Variants in WDHD1 observed in about 807,000 individuals in gnomAD.
WDHD1 encodes WD repeat and HMG-box DNA-binding protein 1.
A neutral mutation model predicts 135.4 loss-of-function variants in WDHD1; 111 were observed. The ratio of observed to expected loss-of-function variants is 0.82; its 90% CI spans 0.70 to 0.96. The LOEUF is 0.96. Ranked by LOEUF, WDHD1 falls within the 40% of genes least tolerant of loss-of-function variation. WDHD1 has a pLI of 0.00. For missense variants in WDHD1, 1,351 were observed against 1,336.3 expected (o/e 1.01, Z -0.17); for synonymous variants, 434 against 439.0 (o/e 0.99, Z 0.14).
At chr14:55,020,965 A>G (rs1484602178) in intron 2 of WDHD1, among the ~76,000 whole-genome samples, 3 of 152,192 alleles carry the variant, frequency 2.0e-5, no homozygotes, top group Non-Finnish European at 4.4e-5. Flanking sequence ...CTTCATCCTT[A>G]TCGTCTTCAC....
At chr14:54,950,513 C>A (rs1322295317) in intron 24 of WDHD1, among the ~76,000 whole-genome samples, 2 of 152,042 alleles carry the variant, frequency 1.3e-5, no homozygotes, top group African/African-American at 2.4e-5. Flanking sequence ...TCCTTAGAGA[C>A]CTACAAAGAG....
At chr14:54,946,071 G>A (rs896951863) in intron 24 of WDHD1, among the ~76,000 whole-genome samples, 3 of 152,014 alleles carry the variant, frequency 2.0e-5, no homozygotes, top group Non-Finnish European at 2.9e-5. Context: ...TAAAAATCAA[G>A]GTATAACAAA....
chr14:54,966,621 A>G lies in WDHD1; in HGVS notation c.2179-15T>C, dbSNP rs756273832. ...CAAAATTGCTCCTATAAAAGCAAAT[A>G]AAATTGCTTAAGGCCAACTATCACC... On this transcript the variant is annotated splice_polypyrimidine_tract_variant and intron_variant, in intron 17 of 25. Coordinates refer to ENST00000360586, the MANE Select transcript of WDHD1 (RefSeq NM_007086.4). 1.4e-5 allele frequency: 22 copies of G among 1,594,226 alleles called. No individual in the cohort carries two copies. Among genetic ancestry groups the G allele is most frequent in the Non-Finnish European group, 1.9e-5 (22 of 1,173,224 alleles).
In WDHD1 at chr14:54,969,316, G is replaced by A. The variant is rs528743357; in HGVS notation, c.2064-1922C>T. 9.5e-5 allele frequency among the ~76,000 whole-genome samples: 14 copies of A among 147,260 alleles called. No homozygotes were observed. The East Asian group carries it at 1.6e-3, about 17-fold the overall frequency. On this transcript the variant is annotated intron_variant, in intron 16 of 25. Transcript: ENST00000360586. ...GCTGGGATTACAGGCGTGAGCCACC[G>A]CGCCCAGCATTAAGACTCCGTTTCA...
rs34874701 is a variant in WDHD1, at chr14:54,963,184, AGGGG to A, written c.2311-16_2311-13del. The A allele has an allele frequency of 1.8e-3, 319 of 174,696 alleles. 2 individuals are homozygous for A. Among genetic ancestry groups the A allele is most frequent in the East Asian group, 7.3e-3 (51 of 6,952 alleles). The allele number at this position is 174,696 out of a possible 1,614,324, so 10.8% of individuals were successfully genotyped here. On this transcript the variant is annotated splice_polypyrimidine_tract_variant and intron_variant, in intron 18 of 25. Transcript: ENST00000360586. Reference sequence around the variant, plus strand: ...AGTTTACAAGAAAGCTAATCCAAAAAGGGGGGGGGGGGGGAGATCAAATAACATC... The same window carrying A: ...AGTTTACAAGAAAGCTAATCCAAAAAGGGGGGGGGGAGATCAAATAACATC...
At chr14:54,990,587 C>T (rs2041769801) in intron 12 of WDHD1, among the ~76,000 whole-genome samples, 1 of 148,224 alleles carries the variant, frequency 6.7e-6, no homozygotes, top group South Asian at 2.1e-4. Flanking sequence ...CAGAGCGAGA[C>T]TCCATCTCAA....
intron 12 of WDHD1, among the ~76,000 whole-genome samples, chr14:54,990,487 T>G (rs201351516): frequency 6.6e-6 from 1 of 151,432 alleles, no homozygotes; most frequent in Non-Finnish European, 1.5e-5. Context: ...TCCCAGCTAC[T>G]CGGGAGGCTG....
At chr14:55,015,082 T>A (rs902813907) in intron 2 of WDHD1, among the ~76,000 whole-genome samples, 1 of 152,148 alleles carries the variant, frequency 6.6e-6, no homozygotes, top group African/African-American at 2.4e-5. Context: ...TAAGTCTCAG[T>A]TTGCCTGAGA....
intron 2 of WDHD1, among the ~76,000 whole-genome samples, chr14:55,019,406 T>C (rs1447560240): frequency 6.6e-6 from 1 of 152,256 alleles, no homozygotes; most frequent in African/African-American, 2.4e-5. Flanking sequence ...AGGGTGTCAA[T>C]GTATTCACGT....
At chr14:54,996,473 G>A (rs748318970) in intron 10 of WDHD1, among the ~76,000 whole-genome samples, 1 of 152,118 alleles carries the variant, frequency 6.6e-6, no homozygotes, top group Non-Finnish European at 1.5e-5. Context: ...GGTGGCATGT[G>A]TCTATAGTCC....
Position 54,955,650 on chromosome 14 carries a change from ATTAG to A in WDHD1, c.2957_2960del (p.Thr986IlefsTer6), listed in dbSNP as rs1566708766. On this transcript the variant is annotated frameshift_variant, in exon 24 of 26. Coordinates refer to ENST00000360586, the MANE Select transcript of WDHD1 (RefSeq NM_007086.4). LOFTEE classifies it high-confidence loss of function. Reference sequence around the variant, plus strand: ...TTTCTTCTTTCACTTCCTCAGTTTTATTAGTTTGAGAATTTCTTTTCTGGAAATA... The same window carrying A: ...TTTCTTCTTTCACTTCCTCAGTTTTATTTGAGAATTTCTTTTCTGGAAATA... 1 of 1,588,256 alleles carries A rather than the reference ATTAG, an allele frequency of 6.3e-7. No individual in the cohort carries two copies. The highest frequency in any genetic ancestry group is 8.5e-7 in the Non-Finnish European group (1 of 1,170,322).
Position 55,026,766 on chromosome 14 carries a change from T to C in WDHD1, c.22A>G (p.Met8Val), listed in dbSNP as rs756728502. Residue 8 changes from methionine (M) to valine (V), a missense_variant, in exon 2 of 26, where the codon ATG (methionine) becomes GTG (valine). Met to Val is a conservative substitution (Grantham distance 21). Around this residue, in one of 2 missense-constraint regions of WDHD1, gnomAD observed 21 missense variants for 40.2 expected, o/e 0.52. Coordinates refer to ENST00000360586, the MANE Select transcript of WDHD1 (RefSeq NM_007086.4). MPATRKP[M>V]RYGHTEGHTE... is the part of the protein sequence containing the mutation. The stretch of plus-strand genomic sequence containing the variant: ...TGTCCCTCTGTATGCCCATATCTCA[T>C]TGGCTTCCGTGTGGCAGGCATGTTT... 39 of 1,614,116 alleles carry C rather than the reference T, an allele frequency of 2.4e-5. No homozygotes were observed. The highest frequency in any genetic ancestry group is 1.6e-4 in the Middle Eastern group (1 of 6,084).
intron 16 of WDHD1, among the ~76,000 whole-genome samples, chr14:54,974,091 T>TAAA (rs75249088): frequency 2.8e-5 from 4 of 141,220 alleles, no homozygotes; most frequent in African/African-American, 1.0e-4. Context: ...AAGAGGAATT[T>TAAA]AAAAAAAAAA....
At chr14:54,954,142 CAGGCATGGTGGCGT>C (rs1356206689) in intron 24 of WDHD1, among the ~76,000 whole-genome samples, 2 of 151,772 alleles carry the variant, frequency 1.3e-5, no homozygotes. Context: ...TAAAATTAGC[CAGGCATGGTGGCGT>C]ATGCCTGCAA....
chr14:54,943,183 G>GCCTT (rs902787649), intron 25 of WDHD1, among the ~76,000 whole-genome samples: 3 of 152,144 alleles, frequency 2.0e-5, no homozygotes, highest in African/African-American at 7.2e-5. Flanking sequence ...GAGAGATTGT[G>GCCTT]CCTTCCTTCC....
chr14:54,974,048 G>A (rs897969786), intron 16 of WDHD1, among the ~76,000 whole-genome samples: 6 of 151,438 alleles, frequency 4.0e-5, no homozygotes, highest in African/African-American at 1.2e-4. Context: ...TGACGACGGA[G>A]TTTCCTGGAA....
Position 54,991,327 on chromosome 14 carries a change from G to T in WDHD1, c.1227C>A (p.His409Gln). The T allele has an allele frequency of 6.2e-6, 10 of 1,614,178 alleles. No individual in the cohort carries two copies. Among genetic ancestry groups the T allele is most frequent in the African/African-American group, 1.3e-5 (1 of 75,058 alleles). Reference sequence around the variant, plus strand: ...TTTGGGATGTTACAAGTGGTAGATTGTGAATGCTGCCTTCTTGACCATCTT... The same window carrying T: ...TTTGGGATGTTACAAGTGGTAGATTTTGAATGCTGCCTTCTTGACCATCTT... Reference protein sequence around the residue: ...EEEDGQEGSIHNLPLVTSQRP... With the variant: ...EEEDGQEGSIQNLPLVTSQRP... Residue 409 changes from histidine (H) to glutamine (Q), a missense_variant, in exon 12 of 26, where the codon CAC (histidine) becomes CAA (glutamine). By Grantham distance (24) the His-to-Gln change is conservative. Transcript: ENST00000360586.
intron 21 of WDHD1, among the ~76,000 whole-genome samples, chr14:54,958,037 AG>A (rs113486298): frequency 1.1e-4 from 16 of 152,076 alleles, no homozygotes; most frequent in African/African-American, 3.9e-4. Context: ...TGGCCCCTAA[AG>A]TCTCCCAACT....
In WDHD1 at chr14:55,007,405, C is replaced by A. The variant is rs145116045; in HGVS notation, c.505-30G>T. On this transcript the variant is annotated intron_variant, in intron 6 of 25. Transcript: ENST00000360586. ...TTGGTAAAAAAAGAAAATTTCTTTC[C>A]TTTATGAAAATCCCCCCCAAAATAT... is the stretch of plus-strand genomic sequence containing the variant. 4.2e-4 allele frequency: 622 copies of A among 1,495,330 alleles called. 1 individual carries two copies. The African/African-American group carries it at 7.8e-3, about 19-fold the overall frequency. 92.6% of individuals were successfully genotyped at this position (1,495,330 alleles called of 1,614,324 possible). A position where few individuals can be genotyped will look rare whatever the true frequency, so the allele number is the denominator to read the frequency against.
Sources: allele counts gnomAD v4.1 joint callset (sites outside exome capture counted in the v4.1 genomes callset), GRCh38; gene constraint gnomAD v4.1.1; regional missense constraint gnomAD v4.1.1; transcripts MANE v1.5; gene names NCBI Gene and HGNC (gene_info 2026-07-23, HGNC 2026-07-21).